Variants in IL1R1 observed in about 807,000 individuals in gnomAD.
The protein encoded by IL1R1 is interleukin-1 receptor type 1.
In IL1R1, 22 loss-of-function variants were observed where a neutral mutation model predicts 50.2. The ratio of observed to expected loss-of-function variants is 0.44; its 90% CI spans 0.31 to 0.63. IL1R1 has a LOEUF of 0.63. Ranked by LOEUF, IL1R1 falls within the 20% of genes least tolerant of loss-of-function variation. IL1R1 has a pLI of 0.07. For missense variants in IL1R1, 509 were observed against 676.2 expected (o/e 0.75, Z 2.74); for synonymous variants, 251 against 236.7 (o/e 1.06, Z -0.55).
Position 102,166,227 on chromosome 2 carries a change from A to C in IL1R1, c.601A>C (p.Thr201Pro), listed in dbSNP as rs779056384. 5.0e-6 allele frequency: 8 copies of C among 1,613,824 alleles called. No homozygotes were observed. In the East Asian group the frequency reaches 1.3e-4, roughly 27 times the overall value. ...GAACTATACTTGTCATGCATCCTAC[A>C]CATACTTGGGCAAGCAATATCCTAT... is the stretch of plus-strand genomic sequence containing the variant. ...RGNYTCHASYTYLGKQYPITR... is the reference protein window; with the variant it reads ...RGNYTCHASYPYLGKQYPITR... The change falls in exon 6 of 12, where the codon ACA becomes CCA. Residue 201 changes from threonine to proline, a missense_variant. By Grantham distance (38) the Thr-to-Pro change is conservative. Transcript: ENST00000410023.
Position 102,179,462 on chromosome 2 carries a change from T to C in IL1R1, c.*2703T>C, listed in dbSNP as rs971689963. On this transcript the variant is annotated 3_prime_UTR_variant, in exon 12 of 12. Transcript: ENST00000410023. Reference sequence around the variant, plus strand: ...TTCCCCGTGAACTTCCTTTGACTTATTGTCCCCACTAAAACAAAACAAAAA... The same window carrying C: ...TTCCCCGTGAACTTCCTTTGACTTACTGTCCCCACTAAAACAAAACAAAAA... 1.3e-5 allele frequency: 2 copies of C among 152,460 alleles called. No homozygotes were observed. The highest frequency in any genetic ancestry group is 4.8e-5 in the African/African-American group (2 of 41,448). 9.4% of individuals were successfully genotyped at this position (152,460 alleles called of 1,614,324 possible).
rs202061965 is a variant in IL1R1 at position 102,164,896 on chromosome 2, A to G, written c.184A>G (p.Ser62Gly). Residue 62 changes from serine to glycine, a missense_variant, in exon 4 of 12, where the codon AGC becomes GGC. Transcript: ENST00000410023. ...KGTITWYKDD[S>G]KTPVSTEQAS... ...CACTATAACTTGGTATAAAGATGAC[A>G]GCAAGACACCTGTATCTACAGAACA... 30 of 1,614,026 alleles carry G rather than the reference A, an allele frequency of 1.9e-5. No homozygotes were observed. Among genetic ancestry groups the G allele is most frequent in the Admixed American group, 1.0e-4 (6 of 60,008 alleles).
chr2:102,077,553 C>A (rs1040365721), intron 1 of IL1R1, among the ~76,000 whole-genome samples: 3 of 152,162 alleles, frequency 2.0e-5, no homozygotes, highest in African/African-American at 7.2e-5. Flanking sequence ...ATAGAATAGT[C>A]ATAATAAATG....
In IL1R1 at chr2:102,175,460, A is replaced by G. The variant is rs556380152; in HGVS notation, c.1136-18A>G. The stretch of plus-strand genomic sequence containing the variant: ...ATTTTTGCCTTGTGGTTCTAAATAC[A>G]TTATGTTTTTCCTTTAGCTTCAGAT... On this transcript the variant is annotated intron_variant, in intron 10 of 11. Transcript: ENST00000410023. 2.5e-6 allele frequency: 4 copies of G among 1,604,982 alleles called. No individual in the cohort carries two copies. Among genetic ancestry groups the G allele is most frequent in the African/African-American group, 2.7e-5 (2 of 74,782 alleles).
At chr2:102,088,315 T>C (rs1679513748) in intron 1 of IL1R1, among the ~76,000 whole-genome samples, 1 of 152,208 alleles carries the variant, frequency 6.6e-6, no homozygotes, top group African/African-American at 2.4e-5. Flanking sequence ...CCAATGGAAA[T>C]TGTGTTAGCA....
chr2:102,134,532 C>T (rs898314410), intron 1 of IL1R1, among the ~76,000 whole-genome samples: 1 of 152,140 alleles, frequency 6.6e-6, no homozygotes, highest in African/African-American at 2.4e-5. Context: ...GCATGTGCCA[C>T]CACGCCCAGC....
At chr2:102,159,227 G>A in intron 3 of IL1R1, among the ~76,000 whole-genome samples, 1 of 152,222 alleles carries the variant, frequency 6.6e-6, no homozygotes, top group Non-Finnish European at 1.5e-5. Context: ...TCAGCAAGCG[G>A]CTGGTATGAG....
In IL1R1 at chr2:102,165,301, T is replaced by A; in HGVS notation, c.483T>A (p.Tyr161Ter). The A allele has an allele frequency of 6.7e-7, 1 of 1,487,852 alleles. No individual in the cohort carries two copies. Among genetic ancestry groups the A allele is most frequent in the Non-Finnish European group, 9.1e-7 (1 of 1,099,044 alleles). 92.2% of individuals were successfully genotyped at this position (1,487,852 alleles called of 1,614,324 possible). ...ATGAGTTACCTAAATTACAGTGGTATAAGGTAATTTTATTTTAAATATGAC... is the reference window on the plus strand; with the variant it reads ...ATGAGTTACCTAAATTACAGTGGTAAAAGGTAATTTTATTTTAAATATGAC... ...ENNELPKLQW[Y>*]KDCKPLLLDN... The change falls in exon 5 of 12, where the codon TAT (tyrosine) becomes TAA (stop). Residue 161 changes from tyrosine (Y) to a stop codon, truncating the protein, a stop_gained. Coordinates refer to ENST00000410023, the MANE Select transcript of IL1R1 (RefSeq NM_000877.4). LOFTEE classifies it high-confidence loss of function.
At chr2:102,147,104 G>T (rs1316142182) in intron 1 of IL1R1, among the ~76,000 whole-genome samples, 1 of 152,208 alleles carries the variant, frequency 6.6e-6, no homozygotes, top group African/African-American at 2.4e-5. Flanking sequence ...AGAAAGGTTG[G>T]TGCTTTGTGT....
chr2:102,164,717 T>A (rs1460098610), intron 3 of IL1R1, 57 bp from the exon 4 acceptor site: 36 of 1,140,950 alleles, frequency 3.2e-5, no homozygotes, highest in Non-Finnish European at 4.6e-5. Flanking sequence ...AGATATTAAA[T>A]CAAGACACAC....
chr2:102,123,706 A>C (rs1249670214), intron 1 of IL1R1, among the ~76,000 whole-genome samples: 1 of 152,106 alleles, frequency 6.6e-6, no homozygotes, highest in African/African-American at 2.4e-5. Flanking sequence ...TGAGCCCTAG[A>C]GGTGGAGTTT....
At chr2:102,078,171 A>G (rs564024168) in intron 1 of IL1R1, among the ~76,000 whole-genome samples, 41 of 152,252 alleles carry the variant, frequency 2.7e-4, no homozygotes, top group African/African-American at 9.4e-4. Flanking sequence ...AGAAGAGAAT[A>G]CTAAATGCCA....
At chr2:102,076,965 T>C (rs1050377512) in intron 1 of IL1R1, among the ~76,000 whole-genome samples, 22 of 152,212 alleles carry the variant, frequency 1.4e-4, no homozygotes, top group Non-Finnish European at 2.9e-5. Flanking sequence ...CTACAATTCA[T>C]TAATGCTCTG....
rs202041099 is a variant in IL1R1, at chr2:102,179,598, A to G, written c.*2839A>G. 6 of 152,728 alleles carry G rather than the reference A, an allele frequency of 3.9e-5. No homozygotes were observed. Among genetic ancestry groups the G allele is most frequent in the African/African-American group, 1.4e-4 (6 of 41,422 alleles). The allele number at this position is 152,728 out of a possible 1,614,324, so 9.5% of individuals were successfully genotyped here. ...GTTTGCAAATGCAACAAAATATTTA[A>G]TTACCGGTTGTTAAAACTGGTTTAG... is the stretch of plus-strand genomic sequence containing the variant. On this transcript the variant is annotated 3_prime_UTR_variant, in exon 12 of 12. Coordinates refer to ENST00000410023, the MANE Select transcript of IL1R1 (RefSeq NM_000877.4).
chr2:102,135,198 A>G (rs931774513), intron 1 of IL1R1, among the ~76,000 whole-genome samples: 1 of 152,190 alleles, frequency 6.6e-6, no homozygotes, highest in African/African-American at 2.4e-5. Context: ...TTATGAACCT[A>G]TGCCTGGGAA....
chr2:102,090,220 A>G (rs1446973331), intron 1 of IL1R1, among the ~76,000 whole-genome samples: 2 of 146,398 alleles, frequency 1.4e-5, no homozygotes, highest in Admixed American at 6.9e-5. Flanking sequence ...ACCACCTACC[A>G]TGGGGAGTTT....
chr2:102,135,333 C>T lies in IL1R1; in HGVS notation c.-83-18608C>T, dbSNP rs115550479. On this transcript the variant is annotated intron_variant, in intron 1 of 10. Coordinates refer to the IL1R1 transcript ENST00000409329. ...TGCTTCTGACATTCTGAGCATTGAT[C>T]GAGTTGCCTATGAATGTTTTGGGAC... Among the ~76,000 whole-genome samples, 584 of 152,230 alleles carry T rather than the reference C, an allele frequency of 3.8e-3. 2 individuals are homozygous for T. The highest frequency in any genetic ancestry group is 6.8e-3 in the Middle Eastern group (2 of 294).
chr2:102,092,619 C>A (rs545509734), intron 1 of IL1R1, among the ~76,000 whole-genome samples: 2 of 151,994 alleles, frequency 1.3e-5, no homozygotes, highest in Admixed American at 6.6e-5. Context: ...CTGTTCTAAA[C>A]GTAACATTGA....
chr2:102,074,115 G>A (rs1678856538), intron 1 of IL1R1, among the ~76,000 whole-genome samples: 1 of 152,136 alleles, frequency 6.6e-6, no homozygotes, highest in South Asian at 2.1e-4. Flanking sequence ...TTTAGTTTTG[G>A]TAACTCTCAA....
Sources: allele counts gnomAD v4.1 joint callset (sites outside exome capture counted in the v4.1 genomes callset), GRCh38; gene constraint gnomAD v4.1.1; transcripts MANE v1.5; gene names NCBI Gene and HGNC (gene_info 2026-07-23, HGNC 2026-07-21).